The following CREB5 variants were observed in gnomAD, a reference collection of about 807,000 sequenced individuals.
CREB5 encodes the protein cAMP responsive element binding protein 5.
In CREB5, 19 loss-of-function variants were observed where a neutral mutation model predicts 57.1. That is an observed-to-expected ratio of 0.33 (90% CI 0.23 to 0.49). CREB5 has a LOEUF of 0.49. Ranked by LOEUF, CREB5 falls within the 20% of genes least tolerant of loss-of-function variation. The pLI is 0.99. For synonymous variants in CREB5, 238 were observed against 238.3 expected (o/e 1.00, Z 0.01); for missense variants, 579 against 671.6 (o/e 0.86, Z 1.52).
At chr7:28,388,207 G>A (rs1380351648) in intron 1 of CREB5, among the ~76,000 whole-genome samples, 1 of 152,160 alleles carries the variant, frequency 6.6e-6, no homozygotes, top group Non-Finnish European at 1.5e-5. Flanking sequence ...AATTGCACAG[G>A]TAGTATCAAT....
At chr7:28,372,426 C>A (rs1314231433) in intron 1 of CREB5, among the ~76,000 whole-genome samples, 1 of 152,142 alleles carries the variant, frequency 6.6e-6, no homozygotes, top group African/African-American at 2.4e-5. Context: ...AGGAAAAGTC[C>A]TTCCTTGTGT....
intron 2 of CREB5, among the ~76,000 whole-genome samples, chr7:28,492,742 T>C (rs1393073261): frequency 2.0e-5 from 3 of 148,602 alleles, no homozygotes. Flanking sequence ...TATAGTATAT[T>C]TAAAATATAG....
chr7:28,410,082 AG>A (rs537334299), upstream of CREB5: 68 of 395,790 alleles, frequency 1.7e-4, no homozygotes, highest in Admixed American at 1.2e-3. Context: ...GCGCGCGCGC[AG>A]GGGGCTCGCT....
At chr7:28,646,813 G>T (rs1280970296) in intron 5 of CREB5, among the ~76,000 whole-genome samples, 3 of 151,966 alleles carry the variant, frequency 2.0e-5, no homozygotes, top group Non-Finnish European at 4.4e-5. Context: ...AAATTGGGCT[G>T]CCACCATTAT....
chr7:28,605,230 C>T (rs944477853), intron 5 of CREB5, among the ~76,000 whole-genome samples: 15 of 152,078 alleles, frequency 9.9e-5, no homozygotes, highest in African/African-American at 2.9e-4. Context: ...ATTTGGTGGA[C>T]GTGGTGGTAG....
At chr7:28,659,966 C>T (rs1238883943) in intron 5 of CREB5, among the ~76,000 whole-genome samples, 1 of 152,146 alleles carries the variant, frequency 6.6e-6, no homozygotes, top group Non-Finnish European at 1.5e-5. Flanking sequence ...CTGTCCTAAA[C>T]ACCAGGAGCA....
At chr7:28,560,819 T>TGTGTGCGTGTGC (rs1562796977) in intron 4 of CREB5, among the ~76,000 whole-genome samples, 3 of 62,422 alleles carry the variant, frequency 4.8e-5, no homozygotes, top group African/African-American at 1.7e-4. Context: ...CGTGTGTGTG[T>TGTGTGCGTGTGC]GTGCGCGCGC....
chr7:28,533,863 A>G (rs947989211), intron 4 of CREB5, among the ~76,000 whole-genome samples: 3 of 151,866 alleles, frequency 2.0e-5, no homozygotes, highest in African/African-American at 7.2e-5. Flanking sequence ...AAATGGTGCT[A>G]CATAGGCTGG....
rs74634922 is a variant in CREB5, at chr7:28,751,277, A to G, written c.702+26945A>G. On this transcript the variant is annotated intron_variant, in intron 7 of 10. Transcript: ENST00000357727. ...CTTTATTAACTCAGATGCCATCCCC[A>G]GCATTCAAAGAAGGCCACAGCTCTG... Among the ~76,000 whole-genome samples, 1,013 of 152,298 alleles carry G rather than the reference A, an allele frequency of 6.7e-3. 4 individuals are homozygous for G. The highest frequency in any genetic ancestry group is 0.011 in the Non-Finnish European group (721 of 68,018).
chr7:28,662,411 A>G (rs187289476), intron 5 of CREB5, among the ~76,000 whole-genome samples: 12 of 152,302 alleles, frequency 7.9e-5, no homozygotes, highest in African/African-American at 2.9e-4. Context: ...AGGAGTTCCA[A>G]ACGCAATGTG....
intron 6 of CREB5, among the ~76,000 whole-genome samples, chr7:28,719,566 C>T (rs1271512292): frequency 1.3e-5 from 2 of 152,306 alleles, no homozygotes; most frequent in Non-Finnish European, 2.9e-5. Flanking sequence ...TGCACACACT[C>T]TCTCCTTTCC....
At chr7:28,719,243 C>G (rs1036444793) in intron 6 of CREB5, among the ~76,000 whole-genome samples, 17 of 144,806 alleles carry the variant, frequency 1.2e-4, no homozygotes, top group African/African-American at 3.8e-4. Context: ...AACCAGGACT[C>G]AGGATAATAA....
intron 5 of CREB5, among the ~76,000 whole-genome samples, chr7:28,648,290 T>TA (rs1207204003): frequency 6.6e-6 from 1 of 152,116 alleles, no homozygotes; most frequent in African/African-American, 2.4e-5. Flanking sequence ...TGATAGTCTT[T>TA]TATTTGAAGA....
At position 28,820,005 on chromosome 7, in the gene CREB5, A is replaced by C. The variant is rs921974356; in HGVS notation, c.*726A>C. 2.0e-5 allele frequency: 3 copies of C among 152,004 alleles called. No homozygotes were observed. Among genetic ancestry groups the C allele is most frequent in the South Asian group, 4.1e-4 (2 of 4,830 alleles). 9.4% of individuals were successfully genotyped at this position (152,004 alleles called of 1,614,324 possible). On this transcript the variant is annotated 3_prime_UTR_variant, in exon 11 of 11. Coordinates refer to ENST00000357727, the MANE Select transcript of CREB5 (RefSeq NM_182898.4). ...AGAAAATAATGTTTAAAGAAAAAAA[A>C]AAAAAAGCAAACCTCCAAAACGTGG...
chr7:28,672,186 A>ACACACACAC (rs553407335), intron 5 of CREB5, among the ~76,000 whole-genome samples: 22 of 141,962 alleles, frequency 1.5e-4, no homozygotes, highest in African/African-American at 4.5e-4. Flanking sequence ...AAAAAAAAAA[A>ACACACACAC]AAACACACAC....
At chr7:28,306,553 TTG>T (rs1554300935) in intron 1 of CREB5, among the ~76,000 whole-genome samples, 1,217 of 78,680 alleles carry the variant, frequency 0.015, 91 homozygotes, top group South Asian at 0.02. Flanking sequence ...TTTGTTTTTT[TTG>T]TTTTTTTTTT....
intron 1 of CREB5, among the ~76,000 whole-genome samples, chr7:28,445,787 A>C (rs10247321): frequency 2.0e-5 from 3 of 151,038 alleles, no homozygotes; most frequent in Non-Finnish European, 4.4e-5. Flanking sequence ...TTCTGACCTC[A>C]TGATCCGCCT....
chr7:28,741,151 C>A (rs1217069388), intron 7 of CREB5, among the ~76,000 whole-genome samples: 1 of 152,096 alleles, frequency 6.6e-6, no homozygotes, highest in Non-Finnish European at 1.5e-5. Context: ...CAAACACTTC[C>A]ATTAAAAACA....
At chr7:28,418,576 C>T (rs935790737) in intron 1 of CREB5, among the ~76,000 whole-genome samples, 4 of 152,176 alleles carry the variant, frequency 2.6e-5, no homozygotes, top group Non-Finnish European at 5.9e-5. Context: ...GTCTATTCAA[C>T]CATATCGCCT....
Sources: allele counts gnomAD v4.1 joint callset (sites outside exome capture counted in the v4.1 genomes callset), GRCh38; gene constraint gnomAD v4.1.1; transcripts MANE v1.5; gene names NCBI Gene and HGNC (gene_info 2026-07-23, HGNC 2026-07-21).